Variants in UNC79 observed in about 807,000 individuals in gnomAD.
The protein encoded by UNC79 is unc-79 subunit of NALCN channel complex.
Under a neutral mutation model 283.1 loss-of-function variants are expected in UNC79, and 37 were observed. The ratio of observed to expected loss-of-function variants is 0.13; its 90% CI spans 0.10 to 0.17. The LOEUF is 0.17. UNC79 is among the 10% of genes least tolerant of loss of function. The pLI is 1.00. For synonymous variants in UNC79, 1,107 were observed against 1,200.2 expected, an observed-to-expected ratio of 0.92 and a Z score of 1.61; for missense variants, 2,272 against 3,211.1, an observed-to-expected ratio of 0.71 and a Z score of 7.07.
chr14:93,602,540 C>T (rs2065587364), intron 25 of UNC79, among the ~76,000 whole-genome samples: 1 of 152,126 alleles, frequency 6.6e-6, no homozygotes, highest in Non-Finnish European at 1.5e-5. Flanking sequence ...GAATGCGATG[C>T]CTCCAGATGC....
chr14:93,629,592 A>T (rs907917447), intron 30 of UNC79, among the ~76,000 whole-genome samples: 1 of 152,218 alleles, frequency 6.6e-6, no homozygotes, highest in Admixed American at 6.5e-5. Flanking sequence ...TCAAAAATAG[A>T]TGCTTCGAAA....
chr14:93,657,279 C>G (rs1357339729), intron 38 of UNC79, among the ~76,000 whole-genome samples: 1 of 152,034 alleles, frequency 6.6e-6, no homozygotes, highest in Admixed American at 6.5e-5. Context: ...TCCTAGGACC[C>G]GAGAACCAAT....
At chr14:93,674,395 G>A (rs1365027156) in intron 41 of UNC79, among the ~76,000 whole-genome samples, 1 of 152,136 alleles carries the variant, frequency 6.6e-6, no homozygotes, top group Non-Finnish European at 1.5e-5. Flanking sequence ...ATAGGGTTGA[G>A]AAAAAGTAGA....
chr14:93,582,159 C>G, intron 19 of UNC79, 44 bp from the exon 20 acceptor site: 3 of 1,613,414 alleles, frequency 1.9e-6, no homozygotes, highest in Non-Finnish European at 2.5e-6. Context: ...TTCCTGACAC[C>G]CCTCCAGGGC....
At chr14:93,598,404 GT>G (rs1555368372) in intron 24 of UNC79, among the ~76,000 whole-genome samples, 27,755 of 149,322 alleles carry the variant, frequency 0.19, 2,805 homozygotes, top group Non-Finnish European at 0.22. Flanking sequence ...GTGTGTGTGT[GT>G]GTGTGGCAGA....
intron 5 of UNC79, among the ~76,000 whole-genome samples, chr14:93,495,193 G>A (rs976940159): frequency 1.3e-5 from 2 of 152,188 alleles, no homozygotes; most frequent in Non-Finnish European, 2.9e-5. Context: ...ATAAAGAACT[G>A]CCAGAGACTG....
chr14:93,522,825 A>G (rs531138995), intron 7 of UNC79, among the ~76,000 whole-genome samples: 3 of 152,240 alleles, frequency 2.0e-5, no homozygotes, highest in Admixed American at 6.5e-5. Context: ...TCGTTCTGGT[A>G]ACTATATTTC....
Position 93,531,813 on chromosome 14 carries a change from T to C in UNC79, c.1094-737T>C, listed in dbSNP as rs941148955. On this transcript the variant is annotated intron_variant, in intron 10 of 48. Transcript: ENST00000555664. The surrounding 1 kb of genome is among the most constrained non-coding windows in gnomAD (Gnocchi z 4.2). ...GAGACTTGAACTCAAGGTCTGCCCCTACCATTGATAGCTTGTGTGACCTTG... is the reference window on the plus strand; with the variant it reads ...GAGACTTGAACTCAAGGTCTGCCCCCACCATTGATAGCTTGTGTGACCTTG... 6.6e-6 allele frequency among the ~76,000 whole-genome samples: 1 copy of C among 152,204 alleles called. No homozygotes were observed. The highest frequency in any genetic ancestry group is 2.4e-5 in the African/African-American group (1 of 41,442).
At position 93,646,886 on chromosome 14, in the gene UNC79, C is replaced by T. The variant is rs531375490; in HGVS notation, c.6083+240C>T. On this transcript the variant is annotated intron_variant, in intron 35 of 48. Transcript: ENST00000555664. ...AAAAAAAATACCAGCTTGTGCACCA[C>T]GGAGGGAATATTGTTAGGCTCCAAT... Among the ~76,000 whole-genome samples the T allele has an allele frequency of 1.9e-4, 29 of 152,244 alleles. No homozygotes were observed. The East Asian group carries it at 3.5e-3, about 18-fold the overall frequency.
Position 93,622,034 on chromosome 14 carries a change from C to T in UNC79, c.4801C>T (p.Pro1601Ser). The T allele has an allele frequency of 1.2e-6, 2 of 1,614,054 alleles. No homozygotes were observed. Among genetic ancestry groups the T allele is most frequent in the East Asian group, 2.2e-5 (1 of 44,874 alleles). Residue 1601 changes from proline (P) to serine (S), a missense_variant, in exon 30 of 49, where the codon CCT (proline) becomes TCT (serine). Pro to Ser is a moderately conservative substitution (Grantham distance 74). Transcript: ENST00000555664. ...AGTTGACTCGCCGGTAAAGCCTGCT[C>T]CTAAAGAGGATTTAGATCTGATAGA... is the stretch of plus-strand genomic sequence containing the variant.
At chr14:93,561,026 G>A (rs185346694) in intron 14 of UNC79, among the ~76,000 whole-genome samples, 10 of 152,246 alleles carry the variant, frequency 6.6e-5, no homozygotes, top group Admixed American at 6.5e-4. Context: ...GAAGAGCAAG[G>A]GGAAGGTAGC....
chr14:93,524,100 G>T, intron 8 of UNC79, 58 bp downstream of exon 8: 1 of 1,580,156 alleles, frequency 6.3e-7, no homozygotes. Flanking sequence ...ATTGCTGAAT[G>T]AAGTGGAGTA....
chr14:93,398,214 A>C (rs1179581507), intron 1 of UNC79, among the ~76,000 whole-genome samples: 3 of 152,208 alleles, frequency 2.0e-5, no homozygotes, highest in African/African-American at 7.2e-5. Context: ...TGTGTGCCAC[A>C]AGGGTCTTGT....
At chr14:93,472,438 A>G (rs1258980806) in intron 2 of UNC79, among the ~76,000 whole-genome samples, 1 of 145,930 alleles carries the variant, frequency 6.9e-6, no homozygotes, top group Non-Finnish European at 1.5e-5. Context: ...CAAATACATC[A>G]CACACAAAAA....
intron 35 of UNC79, among the ~76,000 whole-genome samples, chr14:93,648,773 G>C (rs2069913048): frequency 6.6e-6 from 1 of 152,222 alleles, no homozygotes. Context: ...GTTATGGAAA[G>C]AGCATGGTAA....
chr14:93,677,133 A>G (rs1031725525), intron 41 of UNC79, among the ~76,000 whole-genome samples: 1 of 152,156 alleles, frequency 6.6e-6, no homozygotes, highest in African/African-American at 2.4e-5. Context: ...TGTTCTATAA[A>G]CTCTTAAGCA....
chr14:93,526,743 T>C (rs192497745), intron 8 of UNC79, among the ~76,000 whole-genome samples: 2 of 152,328 alleles, frequency 1.3e-5, no homozygotes, highest in Admixed American at 1.3e-4. Context: ...AAGTCAGAGG[T>C]TGACTAGCTA....
chr14:93,614,066 G>T (rs186053084), intron 27 of UNC79, among the ~76,000 whole-genome samples: 59 of 151,034 alleles, frequency 3.9e-4, no homozygotes, highest in Admixed American at 2.5e-3. Flanking sequence ...AAAAGAATTG[G>T]TAGCCTGGTA....
At chr14:93,644,563 T>C (rs2069391211) in intron 34 of UNC79, among the ~76,000 whole-genome samples, 1 of 152,172 alleles carries the variant, frequency 6.6e-6, no homozygotes, top group South Asian at 2.1e-4. Context: ...GATTAAATGC[T>C]GTAATGAGTG....
Sources: allele counts gnomAD v4.1 joint callset (sites outside exome capture counted in the v4.1 genomes callset), GRCh38; gene constraint gnomAD v4.1.1; non-coding constraint Gnocchi (gnomAD v3.1); transcripts MANE v1.5; gene names NCBI Gene and HGNC (gene_info 2026-07-23, HGNC 2026-07-21).